Variants in KANSL1L observed in about 807,000 individuals in gnomAD.
The protein encoded by KANSL1L is KAT8 regulatory NSL complex subunit 1 like.
KANSL1L carries 25 observed loss-of-function variants against 108.6 expected under a neutral mutation model. That is an observed-to-expected ratio of 0.23 (90% CI 0.17 to 0.32). The LOEUF (loss-of-function observed/expected upper bound fraction) is 0.32. Ranked by LOEUF, KANSL1L falls within the 10% of genes least tolerant of loss-of-function variation. The probability of loss-of-function intolerance (pLI) is 1.00; values close to 1 mark genes in which losing one functional copy is unlikely to be tolerated. For missense variants in KANSL1L, 1,137 were observed against 1,125.7 expected (o/e 1.01, Z -0.14); for synonymous variants, 405 against 395.1 (o/e 1.03, Z -0.30).
chr2:210,162,202 C>T (rs939831449), intron 1 of KANSL1L, among the ~76,000 whole-genome samples: 4 of 103,630 alleles, frequency 3.9e-5, no homozygotes, highest in East Asian at 5.3e-4. Context: ...AATATATTAC[C>T]CCCAAATTTA....
chr2:210,165,600 CATTAGTTGCT>C, intron 1 of KANSL1L, among the ~76,000 whole-genome samples: 2 of 152,164 alleles, frequency 1.3e-5, no homozygotes, highest in South Asian at 2.1e-4. Flanking sequence ...TGAATTAAGG[CATTAGTTGCT>C]ATTAGTTGCT....
intron 4 of KANSL1L, 63 bp from the exon 5 acceptor site, chr2:210,098,270 G>C (rs1330051577): frequency 6.7e-7 from 1 of 1,503,216 alleles, no homozygotes; most frequent in African/African-American, 1.4e-5. Context: ...AAGCTCAGAT[G>C]CATAGTGCCA....
chr2:210,041,324 T>G (rs1199491875), intron 7 of KANSL1L, among the ~76,000 whole-genome samples: 1 of 152,212 alleles, frequency 6.6e-6, no homozygotes, highest in Non-Finnish European at 1.5e-5. Context: ...GAACATATTT[T>G]ATAAAGCAGT....
At chr2:210,141,982 T>C (rs747711254) in intron 2 of KANSL1L, among the ~76,000 whole-genome samples, 1 of 152,100 alleles carries the variant, frequency 6.6e-6, no homozygotes, top group Non-Finnish European at 1.5e-5. Context: ...ACAAAGGACA[T>C]TGGCCTATAA....
At chr2:210,138,719 CAT>C (rs1163620225) in intron 2 of KANSL1L, among the ~76,000 whole-genome samples, 1 of 152,156 alleles carries the variant, frequency 6.6e-6, no homozygotes, top group Non-Finnish European at 1.5e-5. Flanking sequence ...TGCTAATTAA[CAT>C]ATCCATCATC....
intron 6 of KANSL1L, among the ~76,000 whole-genome samples, chr2:210,055,052 C>T (rs1010892230): frequency 3.3e-5 from 5 of 152,134 alleles, no homozygotes; most frequent in African/African-American, 1.2e-4. Context: ...TTGTAGTTCC[C>T]ATAATCCCCA....
Position 210,022,918 on chromosome 2 carries a change from C to G in KANSL1L, c.*31G>C. Reference sequence around the variant, plus strand: ...GCTTTATTTCCTCCCATCTTTCCTACATTTACATAGTTTTCTTAACCTGTT... The same window carrying G: ...GCTTTATTTCCTCCCATCTTTCCTAGATTTACATAGTTTTCTTAACCTGTT... On this transcript the variant is annotated 3_prime_UTR_variant, in exon 15 of 15. Coordinates refer to ENST00000281772, the MANE Select transcript of KANSL1L (RefSeq NM_152519.4). 2.0e-6 allele frequency: 3 copies of G among 1,471,872 alleles called. No homozygotes were observed. Among genetic ancestry groups the G allele is most frequent in the Non-Finnish European group, 2.9e-6 (3 of 1,052,596 alleles). The allele number at this position is 1,471,872 out of a possible 1,614,324, so 91.2% of individuals were successfully genotyped here.
chr2:210,129,664 ATTAT>A (rs1302645462), intron 2 of KANSL1L, among the ~76,000 whole-genome samples: 1 of 152,162 alleles, frequency 6.6e-6, no homozygotes, highest in African/African-American at 2.4e-5. Context: ...TTATTAGCTA[ATTAT>A]TTAAATCATT....
chr2:210,058,213 T>A (rs1489149406), intron 6 of KANSL1L, among the ~76,000 whole-genome samples: 7 of 152,016 alleles, frequency 4.6e-5, no homozygotes, highest in African/African-American at 1.2e-4. Context: ...GCGGCTGACT[T>A]TTATGGTCGA....
At chr2:210,137,378 G>C (rs2095183324) in intron 2 of KANSL1L, among the ~76,000 whole-genome samples, 1 of 152,140 alleles carries the variant, frequency 6.6e-6, no homozygotes, top group Non-Finnish European at 1.5e-5. Context: ...ATTTCAAAAT[G>C]CTAACAAGTT....
chr2:210,153,789 A>G lies in KANSL1L; in HGVS notation c.794T>C (p.Met265Thr), dbSNP rs1161366421. 3.7e-6 allele frequency: 6 copies of G among 1,613,026 alleles called. No individual in the cohort carries two copies. Among genetic ancestry groups the G allele is most frequent in the Non-Finnish European group, 5.1e-6 (6 of 1,179,758 alleles). ...KHYGQQMKLS[M>T]KHQLPKMKTF... ...CTTCATTTTGGGGAGTTGATGTTTCATAGACAATTTCATCTGCTGACCATA... is the reference window on the plus strand; with the variant it reads ...CTTCATTTTGGGGAGTTGATGTTTCGTAGACAATTTCATCTGCTGACCATA... Residue 265 changes from methionine to threonine, a missense_variant, in exon 2 of 15, where the codon ATG becomes ACG. By Grantham distance (81) the Met-to-Thr change is moderately conservative. Transcript: ENST00000281772.
intron 4 of KANSL1L, among the ~76,000 whole-genome samples, chr2:210,102,295 C>G (rs1293713427): frequency 6.6e-6 from 1 of 152,110 alleles, no homozygotes; most frequent in Non-Finnish European, 1.5e-5. Context: ...CCCTTCCTTA[C>G]ACCTTATACA....
intron 1 of KANSL1L, chr2:210,170,383 A>G (rs1688263624): frequency 9.1e-6 from 9 of 985,398 alleles, no homozygotes; most frequent in South Asian, 9.4e-5. Context: ...TCCCAGAGTA[A>G]GAAAACATTA....
chr2:210,157,691 GAAAAAA>G (rs56676129), intron 1 of KANSL1L, among the ~76,000 whole-genome samples: 3 of 47,212 alleles, frequency 6.4e-5, no homozygotes, highest in East Asian at 1.3e-3. Context: ...CACTGTCACA[GAAAAAA>G]AAAAAAAAAA....
At chr2:210,069,776 T>C (rs1422473247) in intron 6 of KANSL1L, among the ~76,000 whole-genome samples, 4 of 139,800 alleles carry the variant, frequency 2.9e-5, no homozygotes, top group Non-Finnish European at 6.2e-5. Flanking sequence ...ATTTATTTAT[T>C]GCCCCTGACA....
At chr2:210,051,248 A>G (rs2094289449) in intron 6 of KANSL1L, among the ~76,000 whole-genome samples, 1 of 152,104 alleles carries the variant, frequency 6.6e-6, no homozygotes, top group Non-Finnish European at 1.5e-5. Flanking sequence ...CCTTCTCTTC[A>G]TGGACCTTTA....
chr2:210,121,135 C>T (rs1262849561), intron 3 of KANSL1L, among the ~76,000 whole-genome samples: 1 of 152,088 alleles, frequency 6.6e-6, no homozygotes, highest in Admixed American at 6.6e-5. Flanking sequence ...CCCAGCAATC[C>T]CATTACTGAG....
intron 1 of KANSL1L, among the ~76,000 whole-genome samples, chr2:210,164,961 G>C (rs562596971): frequency 6.6e-6 from 1 of 150,812 alleles, no homozygotes; most frequent in Admixed American, 6.6e-5. Context: ...CGCTTCCTGG[G>C]TTCAAGCGAT....
intron 8 of KANSL1L, among the ~76,000 whole-genome samples, chr2:210,033,327 G>A (rs1474086673): frequency 6.6e-6 from 1 of 152,150 alleles, no homozygotes; most frequent in African/African-American, 2.4e-5. Context: ...GTACTAAAAT[G>A]GTAACTAGAA....
Sources: gnomAD v4.1 joint callset for allele counts (sites outside exome capture counted in the v4.1 genomes callset) on GRCh38, gnomAD v4.1.1 for gene constraint, MANE v1.5 for transcripts, NCBI Gene and HGNC (gene_info 2026-07-23, HGNC 2026-07-21) for gene names.